The following MYO5B variants were observed in gnomAD, a reference collection of about 807,000 sequenced individuals.
The protein encoded by MYO5B is myosin VB.
A neutral mutation model predicts 229.3 loss-of-function variants in MYO5B; 143 were observed. The ratio of observed to expected loss-of-function variants is 0.62; its 90% CI spans 0.54 to 0.72. MYO5B has a LOEUF of 0.72. Ranked by LOEUF, MYO5B falls within the 30% of genes least tolerant of loss-of-function variation. MYO5B has a pLI of 0.00. For missense variants in MYO5B, 2,321 were observed against 2,331.0 expected (o/e 1.00, Z 0.09); for synonymous variants, 918 against 885.2 (o/e 1.04, Z -0.66).
At chr18:49,936,146 G>C (rs530718697) in intron 16 of MYO5B, 106 bp downstream of exon 16, 68 of 905,444 alleles carry the variant, frequency 7.5e-5, no homozygotes, top group Non-Finnish European at 1.1e-4. Context: ...AGTCCAGGTG[G>C]TCATCATGCT....
chr18:50,032,025 G>A, intron 4 of MYO5B, among the ~76,000 whole-genome samples: 1 of 152,266 alleles, frequency 6.6e-6, no homozygotes, highest in South Asian at 2.1e-4. Flanking sequence ...TGTGTTAATA[G>A]AATACATTTC....
Position 50,077,224 on chromosome 18 carries a change from T to A in MYO5B, c.28-21846A>T, listed in dbSNP as rs575868356. On this transcript the variant is annotated intron_variant, in intron 1 of 39. Transcript: ENST00000285039. ...CTTACATCAGTGACTTGAATTCTTATTGTCGGTCTTTCACTATTTTTTCTA... is the reference window on the plus strand; with the variant it reads ...CTTACATCAGTGACTTGAATTCTTAATGTCGGTCTTTCACTATTTTTTCTA... Among the ~76,000 whole-genome samples, 7 of 150,168 alleles carry A rather than the reference T, an allele frequency of 4.7e-5. No individual in the cohort carries two copies. The South Asian group carries it at 1.3e-3, about 28-fold the overall frequency.
At chr18:50,052,050 A>T (rs917868801) in intron 2 of MYO5B, among the ~76,000 whole-genome samples, 1 of 152,184 alleles carries the variant, frequency 6.6e-6, no homozygotes, top group Non-Finnish European at 1.5e-5. Context: ...AAAAGTCAGG[A>T]AACAACAGGT....
chr18:50,106,017 C>A (rs926906695), intron 1 of MYO5B, among the ~76,000 whole-genome samples: 1 of 152,232 alleles, frequency 6.6e-6, no homozygotes, highest in African/African-American at 2.4e-5. Flanking sequence ...CAAATTCATA[C>A]TATTCAAGCC....
chr18:49,945,305 G>T (rs2025359245), intron 14 of MYO5B, among the ~76,000 whole-genome samples: 2 of 152,092 alleles, frequency 1.3e-5, no homozygotes, highest in African/African-American at 4.8e-5. Flanking sequence ...CTTTCCTCTA[G>T]GTGTTCCACT....
At chr18:49,996,684 T>C (rs1028625534) in intron 5 of MYO5B, among the ~76,000 whole-genome samples, 1 of 152,162 alleles carries the variant, frequency 6.6e-6, no homozygotes, top group African/African-American at 2.4e-5. Flanking sequence ...TATCAAGTAG[T>C]ATGAAAACAC....
chr18:50,133,960 T>C (rs890906566), intron 1 of MYO5B, among the ~76,000 whole-genome samples: 6 of 152,136 alleles, frequency 3.9e-5, no homozygotes, highest in Admixed American at 3.3e-4. Context: ...TGCTGCCTTA[T>C]GTATAAGAAA....
chr18:50,154,842 A>T (rs1322876763), intron 1 of MYO5B, among the ~76,000 whole-genome samples: 1 of 152,104 alleles, frequency 6.6e-6, no homozygotes, highest in Non-Finnish European at 1.5e-5. Flanking sequence ...AATCAGGTAG[A>T]TACTCTCCTG....
chr18:50,042,577 CAG>C (rs1433340570), intron 2 of MYO5B, among the ~76,000 whole-genome samples: 5 of 152,128 alleles, frequency 3.3e-5, no homozygotes, highest in East Asian at 1.9e-4. Context: ...AAGGTGGGAA[CAG>C]GGGGAAATGG....
Position 49,849,660 on chromosome 18 carries a change from C to G in MYO5B, c.4222G>C (p.Asp1408His). The part of the protein sequence containing the change: ...EISRLTNENL[D>H]LKELVEKLEK... ...AGCTTTTCTACCAGTTCTTTAAGGT[C>G]CTGGAAGCAGAGGAAGCAGTGTGAG... The change falls in exon 32 of 40, where the codon GAC becomes CAC. Residue 1408 changes from aspartate (D) to histidine (H), a missense_variant and splice_region_variant. Coordinates refer to ENST00000285039, the MANE Select transcript of MYO5B (RefSeq NM_001080467.3). The G allele has an allele frequency of 6.2e-7, 1 of 1,611,734 alleles. No homozygotes were observed. Among genetic ancestry groups the G allele is most frequent in the Non-Finnish European group, 8.5e-7 (1 of 1,178,038 alleles).
intron 31 of MYO5B, chr18:49,851,009 T>C (rs1196243797): frequency 6.6e-6 from 1 of 152,248 alleles, no homozygotes; most frequent in Non-Finnish European, 1.5e-5. Flanking sequence ...AGCTCCTCTG[T>C]ACAATATTAT....
intron 22 of MYO5B, among the ~76,000 whole-genome samples, 191 bp downstream of exon 22, chr18:49,894,750 G>A (rs781010874): frequency 5.3e-5 from 8 of 152,228 alleles, no homozygotes; most frequent in Non-Finnish European, 8.8e-5. Flanking sequence ...CAGCAGAAGC[G>A]CAGTCATGCT....
At chr18:50,188,631 A>G (rs542904030) in intron 1 of MYO5B, among the ~76,000 whole-genome samples, 1 of 152,186 alleles carries the variant, frequency 6.6e-6, no homozygotes. Context: ...TACTAAAAAT[A>G]CAAAAAGTAG....
Position 49,895,119 on chromosome 18 carries a change from G to C in MYO5B, c.2867C>G (p.Thr956Ser). 1 of 1,614,152 alleles carries C rather than the reference G, an allele frequency of 6.2e-7. No individual in the cohort carries two copies. Among genetic ancestry groups the C allele is most frequent in the Non-Finnish European group, 8.5e-7 (1 of 1,180,034 alleles). The change falls in exon 22 of 40, where the codon ACC becomes AGC. Residue 956 changes from threonine (T) to serine (S), a missense_variant. Physicochemically the swap from Thr to Ser is moderately conservative, Grantham distance 58. Transcript: ENST00000285039. Reference sequence around the variant, plus strand: ...CTTCTTCAGCCGCTCTACCTCCATGGTGTATGTTGAGGTGGTCACGGACAA... The same window carrying C: ...CTTCTTCAGCCGCTCTACCTCCATGCTGTATGTTGAGGTGGTCACGGACAA... Reference protein sequence around the residue: ...EQLSVTTSTYTMEVERLKKEL... With the variant: ...EQLSVTTSTYSMEVERLKKEL...
intron 39 of MYO5B, among the ~76,000 whole-genome samples, chr18:49,834,315 A>C (rs1416170011): frequency 6.6e-6 from 1 of 151,940 alleles, no homozygotes; most frequent in African/African-American, 2.4e-5. Context: ...CCCCTTTTTA[A>C]TCCTTGTTTT....
intron 18 of MYO5B, 103 bp from the exon 19 acceptor site, chr18:49,906,733 T>C: frequency 1.0e-6 from 1 of 993,066 alleles, no homozygotes; most frequent in Non-Finnish European, 1.6e-6. Flanking sequence ...CTGGCCAGAC[T>C]TCATGCACCC....
rs770182433 is a variant in MYO5B, at chr18:50,011,516, C to T, written c.456-10105G>A. On this transcript the variant is annotated intron_variant, in intron 4 of 39. Transcript: ENST00000285039. ...GTGCACAGGCGCTCCAAGGCCTGCACGTCCAAAACAGTGCTCTTTAGCTCC... is the reference window on the plus strand; with the variant it reads ...GTGCACAGGCGCTCCAAGGCCTGCATGTCCAAAACAGTGCTCTTTAGCTCC... Among the ~76,000 whole-genome samples, 5 of 152,122 alleles carry T rather than the reference C, an allele frequency of 3.3e-5. No individual in the cohort carries two copies. In the East Asian group the frequency reaches 7.7e-4, roughly 24 times the overall value.
intron 22 of MYO5B, among the ~76,000 whole-genome samples, chr18:49,882,994 T>C (rs1036583637): frequency 1.3e-5 from 2 of 152,164 alleles, no homozygotes; most frequent in African/African-American, 4.8e-5. Context: ...AACTAAATAC[T>C]AGCAAGTGGT....
At chr18:49,914,790 A>G (rs1380492419) in intron 17 of MYO5B, among the ~76,000 whole-genome samples, 1 of 151,646 alleles carries the variant, frequency 6.6e-6, no homozygotes, top group Non-Finnish European at 1.5e-5. Flanking sequence ...AAAAAAAAAA[A>G]AAAGAAAAGA....
Sources: gnomAD v4.1 joint callset for allele counts (sites outside exome capture counted in the v4.1 genomes callset) on GRCh38, gnomAD v4.1.1 for gene constraint, MANE v1.5 for transcripts, NCBI Gene and HGNC (gene_info 2026-07-23, HGNC 2026-07-21) for gene names.